BCAP29: variants seen among roughly 807,000 people sequenced by gnomAD.
BCAP29 encodes B-cell receptor-associated protein 29.
In BCAP29, 34 loss-of-function variants were observed where a neutral mutation model predicts 31.8. That is an observed-to-expected ratio of 1.07 (90% confidence interval 0.81 to 1.42). The LOEUF (loss-of-function observed/expected upper bound fraction) is 1.42, where lower values mean the gene tolerates loss of function less well. Among genes scored for constraint, BCAP29 ranks in the 40% most tolerant of loss-of-function variants. The pLI is 0.00. For missense variants in BCAP29, 314 were observed against 269.2 expected (o/e 1.17, Z -1.16); for synonymous variants, 104 against 91.3 (o/e 1.14, Z -0.79).
At chr7:107,604,723 T>C (rs1397252834) in intron 6 of BCAP29, among the ~76,000 whole-genome samples, 1 of 151,122 alleles carries the variant, frequency 6.6e-6, no homozygotes, top group Admixed American at 6.6e-5. Flanking sequence ...TAATGCACTT[T>C]TGTGATTTAA....
At chr7:107,610,548 G>A (rs1345799280) in intron 6 of BCAP29, among the ~76,000 whole-genome samples, 1 of 152,192 alleles carries the variant, frequency 6.6e-6, no homozygotes, top group Non-Finnish European at 1.5e-5. Context: ...CTGGGAAACA[G>A]TCCAAGATGT....
chr7:107,599,222 C>A lies in BCAP29; in HGVS notation c.481-1175C>A, dbSNP rs55741564. On this transcript the variant is annotated intron_variant, in intron 5 of 7. Coordinates refer to ENST00000005259, the MANE Select transcript of BCAP29 (RefSeq NM_018844.4). ...ATACATATTTATAAATATATATATA[C>A]ATAATTATATATATTTATATATAAA... Among the ~76,000 whole-genome samples the A allele has an allele frequency of 9.8e-4, 12 of 12,210 alleles. 1 individual carries two copies. The highest frequency in any genetic ancestry group is 5.8e-3 in the Admixed American group (7 of 1,202). The allele number at this position is 12,210 out of a possible 152,430, so 8.0% of individuals were successfully genotyped here. A position where few individuals can be genotyped will look rare whatever the true frequency, so the allele number is the denominator to read the frequency against.
chr7:107,609,153 T>A, intron 6 of BCAP29, among the ~76,000 whole-genome samples: 1 of 152,288 alleles, frequency 6.6e-6, no homozygotes, highest in East Asian at 1.9e-4. Context: ...CAAGGTGTTA[T>A]AACAAAAATG....
In BCAP29 at chr7:107,581,243, G is replaced by A. The variant is rs114886941; in HGVS notation, c.92+379G>A. ...GTGGATAAATCATGTTTACAGTACAGCATGGGTGTAAAAGTGTTTCACTGA... is the reference window on the plus strand; with the variant it reads ...GTGGATAAATCATGTTTACAGTACAACATGGGTGTAAAAGTGTTTCACTGA... On this transcript the variant is annotated intron_variant, in intron 2 of 7. Transcript: ENST00000005259. Among the ~76,000 whole-genome samples, 665 of 152,286 alleles carry A rather than the reference G, an allele frequency of 4.4e-3. 8 individuals are homozygous for A. The highest frequency in any genetic ancestry group is 0.015 in the African/African-American group (627 of 41,554).
At chr7:107,615,531 GGT>G in intron 7 of BCAP29, 1 of 315,544 alleles carries the variant, frequency 3.2e-6, no homozygotes, top group South Asian at 2.7e-5. Context: ...GGGAGGCAGA[GGT>G]TGCAGTGAGC....
At chr7:107,609,636 T>C (rs958360795) in intron 6 of BCAP29, among the ~76,000 whole-genome samples, 3 of 152,204 alleles carry the variant, frequency 2.0e-5, no homozygotes, top group Non-Finnish European at 2.9e-5. Context: ...AAAAGAAGGA[T>C]AATATAATTA....
chr7:107,586,814 A>G (rs1415946267), intron 3 of BCAP29, among the ~76,000 whole-genome samples: 10 of 145,252 alleles, frequency 6.9e-5, no homozygotes, highest in African/African-American at 2.1e-4. Context: ...TGCAACCTCC[A>G]CTTTCCAGGC....
At chr7:107,611,793 G>T (rs935685563) in intron 6 of BCAP29, among the ~76,000 whole-genome samples, 1 of 152,138 alleles carries the variant, frequency 6.6e-6, no homozygotes, top group South Asian at 2.1e-4. Context: ...GCTATAGAAG[G>T]AACATGGAGG....
chr7:107,613,585 G>A (rs1813611562), intron 7 of BCAP29, 153 bp downstream of exon 7: 4 of 1,455,720 alleles, frequency 2.7e-6, no homozygotes, highest in Non-Finnish European at 3.8e-6. Flanking sequence ...TTACCTAGAG[G>A]GTAAAGATTA....
rs566275151 is a variant in BCAP29 at position 107,580,636 on chromosome 7, G to C, written c.-14-123G>C. 1,198 of 653,920 alleles carry C rather than the reference G, an allele frequency of 1.8e-3. 23 individuals carry two copies. The South Asian group carries it at 0.022, about 12-fold the overall frequency. 40.5% of individuals were successfully genotyped at this position (653,920 alleles called of 1,614,324 possible). On this transcript the variant is annotated intron_variant, in intron 1 of 7. Transcript: ENST00000005259. ...CCCTTCCTGACCGGGGTCCGTGCTTGCCTTCCCAGGTGGGGGAAGGTGGAA... is the reference window on the plus strand; with the variant it reads ...CCCTTCCTGACCGGGGTCCGTGCTTCCCTTCCCAGGTGGGGGAAGGTGGAA...
At chr7:107,597,590 A>T (rs528427545) in intron 5 of BCAP29, among the ~76,000 whole-genome samples, 54 of 152,348 alleles carry the variant, frequency 3.5e-4, no homozygotes, top group Admixed American at 2.3e-3. Context: ...TAATTTTCAC[A>T]AAAGTCCCTT....
chr7:107,614,342 C>G (rs146431246), intron 7 of BCAP29, among the ~76,000 whole-genome samples: 11 of 152,336 alleles, frequency 7.2e-5, no homozygotes, highest in African/African-American at 2.6e-4. Flanking sequence ...GAATACCTAC[C>G]TATACCTGGC....
At chr7:107,581,894 C>A (rs1329766509) in intron 2 of BCAP29, among the ~76,000 whole-genome samples, 1 of 152,098 alleles carries the variant, frequency 6.6e-6, no homozygotes, top group East Asian at 1.9e-4. Flanking sequence ...CTTATTTGAT[C>A]CATTCCACCC....
chr7:107,595,839 A>G, intron 4 of BCAP29, 28 bp from the exon 5 acceptor site: 1 of 1,588,082 alleles, frequency 6.3e-7, no homozygotes, highest in Non-Finnish European at 8.5e-7. Context: ...ATTGGCCAGT[A>G]ATACATTATT....
chr7:107,592,029 C>T (rs1043559674), intron 3 of BCAP29, among the ~76,000 whole-genome samples: 9 of 151,966 alleles, frequency 5.9e-5, no homozygotes, highest in African/African-American at 9.7e-5. Flanking sequence ...TCATGCTATC[C>T]TTCTGCCTCT....
chr7:107,615,272 T>G (rs946472849), intron 7 of BCAP29: 2 of 456,750 alleles, frequency 4.4e-6, no homozygotes, highest in South Asian at 3.1e-5. Flanking sequence ...CTGGAGCTGC[T>G]GCATTCTTGG....
At chr7:107,614,163 G>A (rs773442963) in intron 7 of BCAP29, among the ~76,000 whole-genome samples, 1 of 152,140 alleles carries the variant, frequency 6.6e-6, no homozygotes, top group Non-Finnish European at 1.5e-5. Flanking sequence ...TTCAAAATTT[G>A]GCAGCCTTTG....
At chr7:107,596,213 G>T (rs1206966861) in intron 5 of BCAP29, among the ~76,000 whole-genome samples, 1 of 151,860 alleles carries the variant, frequency 6.6e-6, no homozygotes, top group Non-Finnish European at 1.5e-5. Context: ...ATTTAGATTT[G>T]CTTTTTCTCC....
chr7:107,612,437 A>ATATATATTTATT (rs771741951), intron 6 of BCAP29, among the ~76,000 whole-genome samples: 111 of 113,092 alleles, frequency 9.8e-4, no homozygotes, highest in Middle Eastern at 4.1e-3. Context: ...ATATATATAT[A>ATATATATTTATT]TATTTATTTT....
Sources: gnomAD v4.1 joint callset for allele counts (sites outside exome capture counted in the v4.1 genomes callset) on GRCh38, gnomAD v4.1.1 for gene constraint, MANE v1.5 for transcripts, NCBI Gene and HGNC (gene_info 2026-07-23, HGNC 2026-07-21) for gene names.